Variants in IL19 observed in about 807,000 individuals in gnomAD.
IL19 encodes the protein interleukin 19.
IL19 carries 15 observed loss-of-function variants against 19.5 expected under a neutral mutation model. That is an observed-to-expected ratio of 0.77 (90% CI 0.52 to 1.19). IL19 has a LOEUF of 1.19. Ranked by LOEUF, IL19 falls within the 50% of genes most tolerant of loss-of-function variation. IL19 has a pLI of 0.00. For missense variants in IL19, 199 were observed against 213.1 expected, an observed-to-expected ratio of 0.93 and a Z score of 0.41; for synonymous variants, 78 against 78.3, an observed-to-expected ratio of 1.00 and a Z score of 0.02.
chr1:206,797,674 C>G (rs996777061), intron 1 of IL19, among the ~76,000 whole-genome samples: 1 of 152,222 alleles, frequency 6.6e-6, no homozygotes, highest in African/African-American at 2.4e-5. Context: ...CAGACCTACT[C>G]TTATCACTCA....
At chr1:206,837,254 C>G (rs1676828057) in intron 4 of IL19, among the ~76,000 whole-genome samples, 1 of 152,014 alleles carries the variant, frequency 6.6e-6, no homozygotes, top group Non-Finnish European at 1.5e-5. Context: ...ATTGGGGGTG[C>G]CAGGTGCTCA....
intron 2 of IL19, among the ~76,000 whole-genome samples, chr1:206,813,850 G>A (rs1676078868): frequency 6.6e-6 from 1 of 152,110 alleles, no homozygotes; most frequent in Admixed American, 6.5e-5. Context: ...AATAGGGTGG[G>A]CGGGCCTCAT....
At chr1:206,792,999 G>A (rs1379499274) in intron 1 of IL19, among the ~76,000 whole-genome samples, 1 of 152,214 alleles carries the variant, frequency 6.6e-6, no homozygotes, top group Admixed American at 6.5e-5. Context: ...ATAAATATTA[G>A]TTCCCTTGCC....
chr1:206,776,075 C>T (rs1448701645), intron 1 of IL19, among the ~76,000 whole-genome samples: 1 of 152,164 alleles, frequency 6.6e-6, no homozygotes, highest in Non-Finnish European at 1.5e-5. Flanking sequence ...AAGGGGAATA[C>T]CTCTCTTCTT....
At chr1:206,841,151 C>T (rs1677004121) in intron 6 of IL19, 73 bp downstream of exon 6, 2 of 1,148,804 alleles carry the variant, frequency 1.7e-6, no homozygotes, top group Non-Finnish European at 2.6e-6. Flanking sequence ...CCTTCAGCCT[C>T]CTCTCCACTT....
In IL19 at chr1:206,826,818, T is replaced by C. The variant is rs183101536; in HGVS notation, c.-2-9843T>C. On this transcript the variant is annotated intron_variant, in intron 2 of 6. Transcript: ENST00000659997. ...GCCATTTGCCGTTCTGCTGTTCCTTTGCTTGGAGGGAAGAGATGCCTGTTT... is the reference window on the plus strand; with the variant it reads ...GCCATTTGCCGTTCTGCTGTTCCTTCGCTTGGAGGGAAGAGATGCCTGTTT... Among the ~76,000 whole-genome samples, 109 of 152,308 alleles carry C rather than the reference T, an allele frequency of 7.2e-4. 1 individual carries two copies. The South Asian group carries it at 0.018, about 25-fold the overall frequency.
chr1:206,777,561 G>C (rs1347333134), intron 1 of IL19, among the ~76,000 whole-genome samples: 1 of 152,178 alleles, frequency 6.6e-6, no homozygotes, highest in Non-Finnish European at 1.5e-5. Flanking sequence ...GGGTGGCTCT[G>C]GAGCTGCAGA....
chr1:206,801,184 A>AC (rs1553439757), intron 2 of IL19, among the ~76,000 whole-genome samples: 21 of 151,308 alleles, frequency 1.4e-4, no homozygotes, highest in African/African-American at 5.1e-4. Flanking sequence ...AAAAAAAAAA[A>AC]CCACAGATGT....
At chr1:206,828,707 A>AT (rs531633211) in intron 2 of IL19, among the ~76,000 whole-genome samples, 17 of 151,408 alleles carry the variant, frequency 1.1e-4, no homozygotes, top group South Asian at 2.1e-4. Flanking sequence ...AAGAATAAAG[A>AT]TTTTTTTTTC....
chr1:206,775,253 T>C lies in IL19; in HGVS notation c.-149+4175T>C, dbSNP rs12122216. Among the ~76,000 whole-genome samples the C allele has an allele frequency of 2.2e-3, 328 of 152,086 alleles. 1 individual carries two copies. The highest frequency in any genetic ancestry group is 3.4e-3 in the Non-Finnish European group (234 of 67,960). ...ATTTTTATTAGAGACGGGGTTTCAC[T>C]GTGTTAACCAGGATGGTCTCGATCT... On this transcript the variant is annotated intron_variant, in intron 1 of 6. Coordinates refer to ENST00000659997, the MANE Select transcript of IL19 (RefSeq NM_153758.5).
intron 2 of IL19, among the ~76,000 whole-genome samples, chr1:206,828,027 A>G (rs1676485811): frequency 2.3e-5 from 2 of 87,208 alleles, no homozygotes; most frequent in African/African-American, 8.1e-5. Context: ...AAATGTGCTC[A>G]GTACTTGTTA....
intron 1 of IL19, among the ~76,000 whole-genome samples, chr1:206,783,182 G>A (rs1429236044): frequency 6.6e-6 from 1 of 152,074 alleles, no homozygotes; most frequent in African/African-American, 2.4e-5. Context: ...TTGCCCACCT[G>A]ATTGTGGGAG....
At position 206,770,912 on chromosome 1, in the gene IL19, G is replaced by A. The variant is rs771912629; in HGVS notation, c.-315G>A. 4 of 1,613,980 alleles carry A rather than the reference G, an allele frequency of 2.5e-6. No homozygotes were observed. Among genetic ancestry groups the A allele is most frequent in the Non-Finnish European group, 3.4e-6 (4 of 1,179,872 alleles). Reference sequence around the variant, plus strand: ...AAAACTGATCTGCTACTTACACAGCGCCGTAGCCTCAGCCTGAGGGTCTTC... The same window carrying A: ...AAAACTGATCTGCTACTTACACAGCACCGTAGCCTCAGCCTGAGGGTCTTC... On this transcript the variant is annotated 5_prime_UTR_variant, in exon 1 of 7. Coordinates refer to ENST00000659997, the MANE Select transcript of IL19 (RefSeq NM_153758.5).
intron 2 of IL19, among the ~76,000 whole-genome samples, chr1:206,808,277 C>A (rs1181550577): frequency 1.3e-5 from 2 of 152,196 alleles, no homozygotes; most frequent in Non-Finnish European, 2.9e-5. Flanking sequence ...TTGCGGTGAG[C>A]CAAGATTGCA....
chr1:206,818,796 C>T (rs1168894276), intron 2 of IL19, among the ~76,000 whole-genome samples: 1 of 148,306 alleles, frequency 6.7e-6, no homozygotes, highest in African/African-American at 2.5e-5. Context: ...TTCTTTCTTT[C>T]TTTCTTTTTT....
At chr1:206,800,558 T>C (rs1675656019) in intron 2 of IL19, among the ~76,000 whole-genome samples, 1 of 152,074 alleles carries the variant, frequency 6.6e-6, no homozygotes, top group South Asian at 2.1e-4. Flanking sequence ...GAAGGGTGAA[T>C]AGGAGTTTGC....
chr1:206,823,429 C>A (rs1230599078), intron 2 of IL19, among the ~76,000 whole-genome samples: 2 of 151,924 alleles, frequency 1.3e-5, no homozygotes, highest in African/African-American at 2.4e-5. Flanking sequence ...GTGGCGTGCG[C>A]CTGCAGTCCC....
Position 206,842,613 on chromosome 1 carries a change from C to T in IL19, c.525C>T (p.Phe175=), listed in dbSNP as rs1465898723. The change falls in exon 7 of 7, where the codon TTC becomes TTT. Residue 175 remains phenylalanine, a synonymous_variant. Transcript: ENST00000659997. The part of the protein sequence containing the change: ...AWINKNHEVM[F]SA The stretch of plus-strand genomic sequence containing the variant: ...TTAATAAGAATCATGAAGTAATGTT[C>T]TCAGCTTGATGACAAGGAACCTGTA... 3.9e-6 allele frequency: 6 copies of T among 1,542,476 alleles called. No homozygotes were observed. In the East Asian group the frequency reaches 1.2e-4, roughly 30 times the overall value.
intron 2 of IL19, among the ~76,000 whole-genome samples, chr1:206,800,842 A>G (rs1356305650): frequency 6.6e-6 from 1 of 152,220 alleles, no homozygotes; most frequent in African/African-American, 2.4e-5. Context: ...GTAAGTAGCC[A>G]CTGCCAATTG....
Sources: gnomAD v4.1 joint callset for allele counts (sites outside exome capture counted in the v4.1 genomes callset) on GRCh38, gnomAD v4.1.1 for gene constraint, MANE v1.5 for transcripts, NCBI Gene and HGNC (gene_info 2026-07-23, HGNC 2026-07-21) for gene names.